DLGAP2: variants seen among roughly 807,000 people sequenced by gnomAD.
The protein encoded by DLGAP2 is disks large-associated protein 2.
Under a neutral mutation model 100.3 loss-of-function variants are expected in DLGAP2, and 26 were observed. The ratio of observed to expected loss-of-function variants is 0.26; its 90% CI spans 0.19 to 0.36. DLGAP2 has a LOEUF of 0.36. Among genes scored for constraint, DLGAP2 ranks in the 10% least tolerant of loss-of-function variants. The pLI, the probability that DLGAP2 is intolerant of heterozygous loss-of-function variation, is 1.00. For synonymous variants in DLGAP2, 886 were observed against 630.1 expected (o/e 1.41, Z -6.08); for missense variants, 1,858 against 1,453.2 (o/e 1.28, Z -4.53).
rs75453328 is a variant in DLGAP2 at position 1,561,383 on chromosome 8, A to G, written c.1231-4300A>G. The stretch of plus-strand genomic sequence containing the variant: ...AGACCTGGGCACAAGGCACCAGGTC[A>G]TAAAGGCTTTAGAAGAACCCGGCTG... On this transcript the variant is annotated intron_variant, in intron 5 of 14. Transcript: ENST00000637795. 5.9e-3 allele frequency among the ~76,000 whole-genome samples: 901 copies of G among 152,296 alleles called. 10 individuals are homozygous for G. Among genetic ancestry groups the G allele is most frequent in the African/African-American group, 0.021 (854 of 41,562 alleles).
intron 3 of DLGAP2, among the ~76,000 whole-genome samples, chr8:1,277,640 A>G (rs1199098500): frequency 6.6e-6 from 1 of 152,224 alleles, no homozygotes; most frequent in Non-Finnish European, 1.5e-5. Flanking sequence ...CAGGCAGGTC[A>G]GTATCTGAGT....
chr8:1,005,447 C>T (rs1228005056), intron 2 of DLGAP2, among the ~76,000 whole-genome samples: 15 of 139,842 alleles, frequency 1.1e-4, no homozygotes, highest in African/African-American at 4.0e-4. Flanking sequence ...CTTGCTCTGT[C>T]ACCCAGGCTG....
At chr8:1,676,938 T>C (rs2235114) in intron 11 of DLGAP2, among the ~76,000 whole-genome samples, 73,813 of 152,144 alleles carry the variant, frequency 0.49, 21,023 homozygotes, top group African/African-American at 0.78. Context: ...ATGCAGGCCT[T>C]ACGCCTTGTC....
chr8:1,456,931 C>G (rs904568224), intron 3 of DLGAP2, among the ~76,000 whole-genome samples: 6 of 151,998 alleles, frequency 3.9e-5, no homozygotes, highest in African/African-American at 9.7e-5. Flanking sequence ...CCCGAGCGGT[C>G]TCTCAGTGAC....
At chr8:1,174,285 C>CCACCATCAT (rs1267431849) in intron 2 of DLGAP2, among the ~76,000 whole-genome samples, 1 of 151,640 alleles carries the variant, frequency 6.6e-6, no homozygotes, top group Non-Finnish European at 1.5e-5. Flanking sequence ...ACCATCATCA[C>CCACCATCAT]CACCATCATC....
intron 2 of DLGAP2, among the ~76,000 whole-genome samples, chr8:1,027,510 G>A (rs1169477889): frequency 2.9e-5 from 4 of 136,422 alleles, no homozygotes; most frequent in South Asian, 2.5e-4. Context: ...GCCAGGTGCC[G>A]GTTACTCCCC....
chr8:1,640,987 GCA>G (rs981109465), intron 8 of DLGAP2, among the ~76,000 whole-genome samples: 2 of 152,186 alleles, frequency 1.3e-5, no homozygotes, highest in African/African-American at 2.4e-5. Context: ...CCGTGGCAGA[GCA>G]CAGTCTCTGC....
At chr8:1,040,124 G>C (rs1306695160) in intron 2 of DLGAP2, among the ~76,000 whole-genome samples, 1 of 147,476 alleles carries the variant, frequency 6.8e-6, no homozygotes, top group Middle Eastern at 3.5e-3. Context: ...GGTCGGCTCG[G>C]TGTGCGTGGT....
In DLGAP2 at chr8:1,274,937, C is replaced by A. The variant is rs145804283; in HGVS notation, c.106+16054C>A. Among the ~76,000 whole-genome samples, 670 of 152,096 alleles carry A rather than the reference C, an allele frequency of 4.4e-3. 5 individuals carry two copies. Among genetic ancestry groups the A allele is most frequent in the South Asian group, 0.022 (106 of 4,810 alleles). On this transcript the variant is annotated intron_variant, in intron 3 of 14. Coordinates refer to ENST00000637795, the MANE Select transcript of DLGAP2 (RefSeq NM_001346810.2). ...TCTCCTAATCCAGTGCTAGGAATTGCGGCAGCCATGAGTGAGTGTTCACTG... is the reference window on the plus strand; with the variant it reads ...TCTCCTAATCCAGTGCTAGGAATTGAGGCAGCCATGAGTGAGTGTTCACTG...
At chr8:1,224,528 A>G (rs1798376872) in intron 2 of DLGAP2, among the ~76,000 whole-genome samples, 1 of 152,026 alleles carries the variant, frequency 6.6e-6, no homozygotes, top group Non-Finnish European at 1.5e-5. Context: ...AAAATATAGA[A>G]TACAAAAAAT....
At chr8:1,621,869 G>A (rs1008222888) in intron 6 of DLGAP2, 3 of 152,224 alleles carry the variant, frequency 2.0e-5, no homozygotes, top group African/African-American at 7.2e-5. Context: ...GGGCATCCCA[G>A]ATGTGGGTGC....
At chr8:1,074,796 A>T (rs181620918) in intron 2 of DLGAP2, among the ~76,000 whole-genome samples, 1 of 152,262 alleles carries the variant, frequency 6.6e-6, no homozygotes, top group East Asian at 1.9e-4. Context: ...GATTATATAG[A>T]CTTGATGCAG....
chr8:1,652,001 G>A (rs17064167), intron 8 of DLGAP2, among the ~76,000 whole-genome samples: 9,144 of 152,274 alleles, frequency 0.06, 318 homozygotes, highest in Middle Eastern at 0.18. Flanking sequence ...GCTCGTTTCT[G>A]CAAGCCCCAC....
At chr8:1,126,122 TGAATACGTGAGGCAGTGGTGC>T (rs1168376604) in intron 2 of DLGAP2, among the ~76,000 whole-genome samples, 2 of 152,194 alleles carry the variant, frequency 1.3e-5, no homozygotes, top group Non-Finnish European at 2.9e-5. Flanking sequence ...GCCCCTGCGG[TGAATACGTGAGGCAGTGGTGC>T]CGTGGATTCT....
At chr8:1,050,641 A>C (rs775344988) in intron 2 of DLGAP2, among the ~76,000 whole-genome samples, 1 of 152,188 alleles carries the variant, frequency 6.6e-6, no homozygotes, top group Non-Finnish European at 1.5e-5. Flanking sequence ...TCCCATGTAC[A>C]TGGGATAATT....
chr8:1,211,729 G>T (rs943422006), intron 2 of DLGAP2, among the ~76,000 whole-genome samples: 2 of 152,142 alleles, frequency 1.3e-5, no homozygotes, highest in Admixed American at 6.6e-5. Flanking sequence ...TACAAAATTA[G>T]CCAGGCGTGG....
intron 4 of DLGAP2, among the ~76,000 whole-genome samples, chr8:1,522,609 C>T (rs1800645033): frequency 6.6e-6 from 1 of 152,194 alleles, no homozygotes; most frequent in African/African-American, 2.4e-5. Flanking sequence ...CTCATGTGGC[C>T]ATTGCAAGGA....
At chr8:1,083,098 C>T (rs1046342116) in intron 2 of DLGAP2, among the ~76,000 whole-genome samples, 6 of 152,294 alleles carry the variant, frequency 3.9e-5, no homozygotes, top group Middle Eastern at 3.4e-3. Flanking sequence ...ATCAGTTACA[C>T]AGTTATCTGT....
chr8:1,201,094 G>A (rs999853471), intron 2 of DLGAP2, among the ~76,000 whole-genome samples: 4 of 152,226 alleles, frequency 2.6e-5, no homozygotes, highest in Non-Finnish European at 5.9e-5. Flanking sequence ...GCACTGGGGA[G>A]GCTGCTCCCC....
Sources: allele counts gnomAD v4.1 joint callset (sites outside exome capture counted in the v4.1 genomes callset), GRCh38; gene constraint gnomAD v4.1.1; transcripts MANE v1.5; gene names NCBI Gene and HGNC (gene_info 2026-07-23, HGNC 2026-07-21).